Variants in SNTG1 observed in about 807,000 individuals in gnomAD.
SNTG1 encodes the protein syntrophin gamma 1, also known as gamma-1-syntrophin.
Under a neutral mutation model 74.7 loss-of-function variants are expected in SNTG1, and 39 were observed. The observed-to-expected ratio is 0.52, with a 90% CI of 0.40 to 0.68. The LOEUF is 0.68. Among genes scored for constraint, SNTG1 ranks in the 30% least tolerant of loss-of-function variants. The probability of loss-of-function intolerance (pLI) is 0.00; values close to 1 mark genes in which losing one functional copy is unlikely to be tolerated. For synonymous variants in SNTG1, 254 were observed against 217.1 expected, an observed-to-expected ratio of 1.17 and a Z score of -1.49; for missense variants, 685 against 609.5, an observed-to-expected ratio of 1.12 and a Z score of -1.30.
At chr8:50,330,769 G>A (rs543991718) in intron 2 of SNTG1, among the ~76,000 whole-genome samples, 5 of 152,266 alleles carry the variant, frequency 3.3e-5, no homozygotes, top group South Asian at 2.1e-4. Flanking sequence ...ACTTCTTCAC[G>A]AGGTGGCAGG....
intron 2 of SNTG1, among the ~76,000 whole-genome samples, chr8:50,183,517 C>A (rs2083280295): frequency 6.6e-6 from 1 of 152,142 alleles, no homozygotes; most frequent in Admixed American, 6.6e-5. Context: ...TTCAAGTGCC[C>A]ATAGCACGTT....
intron 17 of SNTG1, among the ~76,000 whole-genome samples, chr8:50,746,093 A>ATTTATAATT (rs2095554561): frequency 1.3e-5 from 2 of 151,964 alleles, no homozygotes; most frequent in Non-Finnish European, 2.9e-5. Flanking sequence ...ATAATTGTTA[A>ATTTATAATT]TGTTAAATAA....
At position 50,282,290 on chromosome 8, in the gene SNTG1, A is replaced by T. The variant is rs184328729; in HGVS notation, c.-28+109655A>T. On this transcript the variant is annotated intron_variant, in intron 2 of 18. Transcript: ENST00000642720. ...AGCTCTCTCACCCTAAAACCAATAA[A>T]TACTGTCAGTTTGTAAGAGAGAGTG... Among the ~76,000 whole-genome samples, 18 of 152,270 alleles carry T rather than the reference A, an allele frequency of 1.2e-4. No individual in the cohort carries two copies. The East Asian group carries it at 3.3e-3, about 28-fold the overall frequency.
At chr8:49,929,775 T>C (rs1286505491) in intron 1 of SNTG1, among the ~76,000 whole-genome samples, 3 of 151,888 alleles carry the variant, frequency 2.0e-5, no homozygotes, top group Admixed American at 2.0e-4. Flanking sequence ...TGCAGGTTAG[T>C]TACATATGTA....
At chr8:49,985,147 G>A (rs178543) in intron 1 of SNTG1, among the ~76,000 whole-genome samples, 133,876 of 152,200 alleles carry the variant, frequency 0.88, 59,060 homozygotes, top group East Asian at 1. Context: ...AGTGGAAGCA[G>A]CCACAATGTT....
intron 4 of SNTG1, 102 bp downstream of exon 4, chr8:50,402,446 A>T: frequency 1.5e-6 from 2 of 1,358,002 alleles, no homozygotes; most frequent in Non-Finnish European, 2.0e-6. Flanking sequence ...TTCAGTGTCT[A>T]GTCAATGGTT....
chr8:50,744,182 A>G (rs534690030), intron 17 of SNTG1, among the ~76,000 whole-genome samples: 3 of 152,152 alleles, frequency 2.0e-5, no homozygotes, highest in Non-Finnish European at 2.9e-5. Context: ...ACAAATATCC[A>G]AACTAAATAA....
intron 1 of SNTG1, among the ~76,000 whole-genome samples, chr8:50,076,172 G>T (rs1304397835): frequency 6.6e-6 from 1 of 152,152 alleles, no homozygotes; most frequent in Non-Finnish European, 1.5e-5. Context: ...TAAGCCAAAA[G>T]GTTGGCATTG....
At chr8:50,512,824 T>G (rs960607507) in intron 9 of SNTG1, among the ~76,000 whole-genome samples, 5 of 152,224 alleles carry the variant, frequency 3.3e-5, no homozygotes, top group Non-Finnish European at 7.3e-5. Context: ...CATCTAATTT[T>G]TTTTCAAGGT....
intron 13 of SNTG1, among the ~76,000 whole-genome samples, chr8:50,630,640 C>T (rs2094990571): frequency 6.6e-6 from 1 of 152,174 alleles, no homozygotes; most frequent in African/African-American, 2.4e-5. Context: ...ACCATATCTA[C>T]AGCCAAAGTA....
chr8:50,145,024 A>T (rs527248370), intron 1 of SNTG1, among the ~76,000 whole-genome samples: 1 of 152,106 alleles, frequency 6.6e-6, no homozygotes, highest in Non-Finnish European at 1.5e-5. Context: ...ATGAGAAGGA[A>T]CACCAAATGA....
chr8:50,239,828 G>A (rs566633961), intron 2 of SNTG1, among the ~76,000 whole-genome samples: 1 of 152,168 alleles, frequency 6.6e-6, no homozygotes, highest in Non-Finnish European at 1.5e-5. Context: ...GATCAGGGGA[G>A]AGTTAAAGAT....
At chr8:50,607,274 T>A (rs542153102) in intron 13 of SNTG1, among the ~76,000 whole-genome samples, 3 of 151,918 alleles carry the variant, frequency 2.0e-5, no homozygotes, top group East Asian at 3.9e-4. Flanking sequence ...TGGAGAAGTT[T>A]GTGTAGGATG....
At chr8:50,533,520 A>G (rs1186455911) in intron 10 of SNTG1, among the ~76,000 whole-genome samples, 1 of 152,206 alleles carries the variant, frequency 6.6e-6, no homozygotes, top group East Asian at 1.9e-4. Context: ...TCAAAAGCAC[A>G]AAAGTGATTG....
Position 50,388,911 on chromosome 8 carries a change from C to T in SNTG1, c.-27-5301C>T, listed in dbSNP as rs139104664. ...CCACAAATATCAAGCACTTATTTGACGCAGGAGTCTTCAATGTGATTGTGG... is the reference window on the plus strand; with the variant it reads ...CCACAAATATCAAGCACTTATTTGATGCAGGAGTCTTCAATGTGATTGTGG... On this transcript the variant is annotated intron_variant, in intron 2 of 18. Transcript: ENST00000642720. Among the ~76,000 whole-genome samples, 144 of 152,228 alleles carry T rather than the reference C, an allele frequency of 9.5e-4. 3 individuals are homozygous for T. The South Asian group carries it at 0.01, about 11-fold the overall frequency.
intron 15 of SNTG1, among the ~76,000 whole-genome samples, chr8:50,658,932 G>A (rs577658570): frequency 6.6e-6 from 1 of 152,292 alleles, no homozygotes; most frequent in African/African-American, 2.4e-5. Context: ...AAGCTCCTCA[G>A]GAGTTCACTG....
At chr8:50,484,774 G>A (rs923254819) in intron 8 of SNTG1, among the ~76,000 whole-genome samples, 9 of 151,320 alleles carry the variant, frequency 5.9e-5, no homozygotes, top group African/African-American at 1.2e-4. Context: ...CAGGGGAATC[G>A]CTTGAACTCA....
At chr8:50,576,185 T>C (rs992793066) in intron 12 of SNTG1, among the ~76,000 whole-genome samples, 3 of 152,198 alleles carry the variant, frequency 2.0e-5, no homozygotes, top group Admixed American at 6.5e-5. Flanking sequence ...TCCAGCTTCA[T>C]GATTTTGCAT....
chr8:50,258,027 A>C (rs2130029274), intron 2 of SNTG1, among the ~76,000 whole-genome samples: 1 of 152,350 alleles, frequency 6.6e-6, no homozygotes, highest in African/African-American at 2.4e-5. Flanking sequence ...GAATCTGTGC[A>C]CATGAGCAGT....
Sources: gnomAD v4.1 joint callset for allele counts (sites outside exome capture counted in the v4.1 genomes callset) on GRCh38, gnomAD v4.1.1 for gene constraint, MANE v1.5 for transcripts, NCBI Gene and HGNC (gene_info 2026-07-23, HGNC 2026-07-21) for gene names.